The following HTT variants were observed in gnomAD, a reference collection of about 807,000 sequenced individuals.
HTT encodes the protein huntington disease protein.
HTT carries 104 observed loss-of-function variants against 362.3 expected under a neutral mutation model. The observed-to-expected ratio is 0.29, with a 90% CI of 0.24 to 0.34. The LOEUF is 0.34. HTT is among the 10% of genes least tolerant of loss of function. The pLI, the probability that HTT is intolerant of heterozygous loss-of-function variation, is 1.00. For missense variants in HTT, 3,301 were observed against 3,928.6 expected (o/e 0.84, Z 4.27); for synonymous variants, 1,577 against 1,548.7 (o/e 1.02, Z -0.43).
intron 23 of HTT, among the ~76,000 whole-genome samples, chr4:3,144,753 C>T (rs1716518551): frequency 6.6e-6 from 1 of 152,136 alleles, no homozygotes; most frequent in Non-Finnish European, 1.5e-5. Flanking sequence ...TTTATTGTGG[C>T]CGACTGTGTC....
At chr4:3,176,533 C>T (rs1488937175) in intron 33 of HTT, among the ~76,000 whole-genome samples, 1 of 152,156 alleles carries the variant, frequency 6.6e-6, no homozygotes, top group Non-Finnish European at 1.5e-5. Flanking sequence ...TGGCTGTGGG[C>T]AGCAGGGGCT....
intron 29 of HTT, among the ~76,000 whole-genome samples, chr4:3,170,833 T>G (rs1717939104): frequency 6.6e-6 from 1 of 152,178 alleles, no homozygotes; most frequent in Admixed American, 6.5e-5. Context: ...TTGGTTTGCT[T>G]TGGTTGTCTC....
intron 40 of HTT, 84 bp from the exon 41 acceptor site, chr4:3,199,648 C>A: frequency 8.0e-7 from 1 of 1,248,530 alleles, no homozygotes; most frequent in South Asian, 1.3e-5. Flanking sequence ...CAGCCTGTTT[C>A]ATTTTTATGT....
At chr4:3,184,401 G>A (rs1019730431) in intron 37 of HTT, among the ~76,000 whole-genome samples, 3 of 152,048 alleles carry the variant, frequency 2.0e-5, no homozygotes, top group East Asian at 1.9e-4. Context: ...CTGATGTGGT[G>A]TAGGTTTTAG....
chr4:3,209,025 C>A, intron 46 of HTT, 114 bp downstream of exon 46: 2 of 1,169,676 alleles, frequency 1.7e-6, no homozygotes, highest in South Asian at 1.6e-5. Flanking sequence ...TTCTGGCGCT[C>A]GGCTCGGCTC....
intron 24 of HTT, among the ~76,000 whole-genome samples, chr4:3,146,315 C>T (rs921775824): frequency 3.3e-5 from 5 of 152,114 alleles, no homozygotes; most frequent in East Asian, 1.9e-4. Context: ...CAAGATATGG[C>T]GTGTTAAAGG....
intron 56 of HTT, among the ~76,000 whole-genome samples, chr4:3,225,120 C>T (rs1301621438): frequency 1.3e-5 from 2 of 150,326 alleles, no homozygotes; most frequent in African/African-American, 4.9e-5. Context: ...GGGGGATGCC[C>T]AGCAGAAAGA....
intron 44 of HTT, 60 bp downstream of exon 44, chr4:3,207,043 A>G: frequency 1.3e-6 from 2 of 1,496,940 alleles, no homozygotes; most frequent in Non-Finnish European, 9.0e-7. Flanking sequence ...GCCAAGCAAA[A>G]CAGGTGGCTG....
At chr4:3,215,577 G>C (rs910738019) in intron 51 of HTT, among the ~76,000 whole-genome samples, 1 of 152,070 alleles carries the variant, frequency 6.6e-6, no homozygotes, top group African/African-American at 2.4e-5. Flanking sequence ...CTCGGCCTCT[G>C]GTCAGCAAGC....
intron 57 of HTT, 81 bp downstream of exon 57, chr4:3,225,824 C>T: frequency 1.1e-6 from 1 of 907,006 alleles, no homozygotes; most frequent in Non-Finnish European, 1.7e-6. Context: ...AGGAGAAAAG[C>T]TCAGTGCACT....
intron 1 of HTT, among the ~76,000 whole-genome samples, chr4:3,081,966 A>G (rs1712936676): frequency 6.6e-6 from 1 of 152,190 alleles, no homozygotes; most frequent in Non-Finnish European, 1.5e-5. Flanking sequence ...GCACAGATGA[A>G]AAACAAAGCC....
In HTT at chr4:3,218,361, A is replaced by T. The variant is rs1720512317; in HGVS notation, c.7242+409A>T. Among the ~76,000 whole-genome samples, 1 of 152,204 alleles carries T rather than the reference A, an allele frequency of 6.6e-6. No homozygotes were observed. The highest frequency in any genetic ancestry group is 2.4e-5 in the African/African-American group (1 of 41,458). On this transcript the variant is annotated intron_variant, in intron 52 of 66. Transcript: ENST00000355072. The surrounding 1 kb of genome is among the most constrained non-coding windows in gnomAD (Gnocchi z 4.4). ...TAAAGTAGGTGTTATTGCCAGGCGC[A>T]GTAGCTCATGCCTGTAATCCCAGCA...
chr4:3,225,597 A>G, intron 56 of HTT, 64 bp from the exon 57 acceptor site: 2 of 1,446,782 alleles, frequency 1.4e-6, no homozygotes, highest in South Asian at 1.2e-5. Context: ...CTGGGCTGGT[A>G]TGGGGTGGGC....
In HTT at chr4:3,098,212, A is replaced by G. The variant is rs550071805; in HGVS notation, c.348-1062A>G. Among the ~76,000 whole-genome samples the G allele has an allele frequency of 2.6e-5, 4 of 152,338 alleles. No individual in the cohort carries two copies. In the South Asian group the frequency reaches 8.3e-4, roughly 32 times the overall value. ...CGTTATTCATGGCTGTCTGTATTCCACATAGATAAGGTCTGAAATACTGCT... is the reference window on the plus strand; with the variant it reads ...CGTTATTCATGGCTGTCTGTATTCCGCATAGATAAGGTCTGAAATACTGCT... On this transcript the variant is annotated intron_variant, in intron 2 of 66. Coordinates refer to ENST00000355072, the MANE Select transcript of HTT (RefSeq NM_001388492.1).
At chr4:3,176,047 A>C (rs1718228104) in intron 33 of HTT, among the ~76,000 whole-genome samples, 1 of 109,390 alleles carries the variant, frequency 9.1e-6, no homozygotes, top group Non-Finnish European at 1.8e-5. Flanking sequence ...TTTTTTTTTG[A>C]GATGGAGTCT....
intron 36 of HTT, 109 bp from the exon 37 acceptor site, chr4:3,182,245 T>C (rs924987368): frequency 1.9e-5 from 13 of 701,864 alleles, no homozygotes; most frequent in Non-Finnish European, 3.3e-5. Flanking sequence ...CACATCTGTT[T>C]GGATCCTAGA....
intron 8 of HTT, among the ~76,000 whole-genome samples, chr4:3,117,203 G>T (rs988864393): frequency 2.0e-5 from 3 of 152,252 alleles, no homozygotes; most frequent in Non-Finnish European, 2.9e-5. Flanking sequence ...TTATTTTTCA[G>T]AATAAAAGCA....
At chr4:3,128,962 A>G (rs1715659277) in intron 12 of HTT, 1 of 152,132 alleles carries the variant, frequency 6.6e-6, no homozygotes, top group Non-Finnish European at 1.5e-5. Context: ...GGCAACCACG[A>G]TTCTTCTTTC....
At chr4:3,149,600 G>A (rs1299670907) in intron 26 of HTT, among the ~76,000 whole-genome samples, 2 of 151,912 alleles carry the variant, frequency 1.3e-5, no homozygotes, top group Non-Finnish European at 2.9e-5. Flanking sequence ...GAGCCACCAC[G>A]CCCAGCCTAA....
Sources: gnomAD v4.1 joint callset for allele counts (sites outside exome capture counted in the v4.1 genomes callset) on GRCh38, gnomAD v4.1.1 for gene constraint, Gnocchi (gnomAD v3.1) non-coding constraint, MANE v1.5 for transcripts, NCBI Gene and HGNC (gene_info 2026-07-23, HGNC 2026-07-21) for gene names.